COL25A1: variants seen among roughly 807,000 people sequenced by gnomAD.
COL25A1 encodes collagen alpha-1(XXV) chain.
Under a neutral mutation model 128.4 loss-of-function variants are expected in COL25A1, and 103 were observed. The observed-to-expected ratio is 0.80, with a 90% CI of 0.68 to 0.94. The LOEUF (loss-of-function observed/expected upper bound fraction) is 0.94, where lower values mean the gene tolerates loss of function less well. Among genes scored for constraint, COL25A1 ranks in the 40% least tolerant of loss-of-function variants. COL25A1 has a pLI of 0.00. For synonymous variants in COL25A1, 279 were observed against 277.2 expected (o/e 1.01, Z -0.06); for missense variants, 745 against 840.0 (o/e 0.89, Z 1.40).
intron 8 of COL25A1, among the ~76,000 whole-genome samples, chr4:108,966,524 G>C (rs539208134): frequency 2.0e-5 from 3 of 152,158 alleles, no homozygotes; most frequent in African/African-American, 7.2e-5. Flanking sequence ...TAATCTGCTT[G>C]AGTTCAATCC....
chr4:108,954,036 C>T (rs527852491), intron 8 of COL25A1, among the ~76,000 whole-genome samples: 1 of 152,242 alleles, frequency 6.6e-6, no homozygotes, highest in South Asian at 2.1e-4. Context: ...GATTGTTATA[C>T]ACTATCTCTA....
chr4:108,984,150 C>A (rs1191334331), intron 6 of COL25A1, among the ~76,000 whole-genome samples: 1 of 152,218 alleles, frequency 6.6e-6, no homozygotes, highest in Non-Finnish European at 1.5e-5. Flanking sequence ...ACCAGAGTAG[C>A]TAGATACAGA....
At chr4:109,039,914 A>G (rs1759720626) in intron 5 of COL25A1, among the ~76,000 whole-genome samples, 1 of 152,206 alleles carries the variant, frequency 6.6e-6, no homozygotes, top group Admixed American at 6.5e-5. Flanking sequence ...AAAATTAAGC[A>G]GAAGTAAGAA....
At chr4:109,233,429 A>G (rs1241375358) in intron 3 of COL25A1, among the ~76,000 whole-genome samples, 1 of 152,126 alleles carries the variant, frequency 6.6e-6, no homozygotes, top group Non-Finnish European at 1.5e-5. Context: ...CCTCACAAAC[A>G]TCAGGAAACA....
At chr4:109,121,959 A>G (rs1768144446) in intron 3 of COL25A1, among the ~76,000 whole-genome samples, 1 of 152,156 alleles carries the variant, frequency 6.6e-6, no homozygotes, top group Non-Finnish European at 1.5e-5. Context: ...GAGATGAGCT[A>G]TCAAGCCATG....
At chr4:109,288,296 A>G (rs911322529) in intron 3 of COL25A1, among the ~76,000 whole-genome samples, 2 of 152,162 alleles carry the variant, frequency 1.3e-5, no homozygotes, top group Non-Finnish European at 2.9e-5. Flanking sequence ...TATGAGCTCA[A>G]AATTTTAAAT....
At chr4:109,009,669 T>C (rs1430410107) in intron 6 of COL25A1, among the ~76,000 whole-genome samples, 2 of 152,228 alleles carry the variant, frequency 1.3e-5, no homozygotes, top group Non-Finnish European at 2.9e-5. Flanking sequence ...AAAACATTAA[T>C]AACTGCATTT....
intron 3 of COL25A1, among the ~76,000 whole-genome samples, chr4:109,200,981 A>G (rs1776515529): frequency 6.6e-6 from 1 of 152,136 alleles, no homozygotes; most frequent in African/African-American, 2.4e-5. Context: ...TCTCCTACCC[A>G]TATCACTAGA....
chr4:109,088,475 T>A (rs1034383613), intron 3 of COL25A1, among the ~76,000 whole-genome samples: 5 of 152,200 alleles, frequency 3.3e-5, no homozygotes, highest in African/African-American at 1.2e-4. Flanking sequence ...AATTTATGAG[T>A]AATACTGTAC....
At chr4:109,127,740 C>T (rs964973538) in intron 3 of COL25A1, among the ~76,000 whole-genome samples, 1 of 152,056 alleles carries the variant, frequency 6.6e-6, no homozygotes, top group Admixed American at 6.6e-5. Flanking sequence ...CTTAGTAGGC[C>T]GTAAACGTTA....
chr4:108,955,856 T>C (rs1273047685), intron 8 of COL25A1, among the ~76,000 whole-genome samples: 1 of 152,178 alleles, frequency 6.6e-6, no homozygotes, highest in Non-Finnish European at 1.5e-5. Flanking sequence ...GTTGTTTGAA[T>C]TAAACATTGC....
At chr4:108,970,924 C>T (rs1264775286) in intron 8 of COL25A1, among the ~76,000 whole-genome samples, 1 of 151,928 alleles carries the variant, frequency 6.6e-6, no homozygotes, top group Non-Finnish European at 1.5e-5. Flanking sequence ...TTGTGTATAC[C>T]ACATTTTTAA....
intron 19 of COL25A1, among the ~76,000 whole-genome samples, chr4:108,879,819 A>T (rs1272949410): frequency 2.0e-5 from 3 of 148,472 alleles, no homozygotes; most frequent in East Asian, 4.1e-4. Flanking sequence ...TTATTTATTT[A>T]TTTTTTTGAG....
intron 19 of COL25A1, among the ~76,000 whole-genome samples, chr4:108,881,103 T>C (rs918342014): frequency 1.8e-4 from 28 of 152,222 alleles, no homozygotes; most frequent in African/African-American, 6.5e-4. Flanking sequence ...GTCTTCCATA[T>C]GGTAAGAGGA....
chr4:109,256,406 A>G (rs10007142), intron 3 of COL25A1, among the ~76,000 whole-genome samples: 15,112 of 152,138 alleles, frequency 0.099, 1,038 homozygotes, highest in East Asian at 0.29. Context: ...GAAAGTGCAC[A>G]GGGTACCAAC....
At chr4:108,823,766 C>T (rs1901680) in intron 35 of COL25A1, 70,539 of 359,506 alleles carry the variant, frequency 0.2, 7,383 homozygotes, top group Non-Finnish European at 0.22. Flanking sequence ...ATCTCCATTT[C>T]TCTACTGGGA....
chr4:109,048,333 T>C (rs189563192), intron 4 of COL25A1, among the ~76,000 whole-genome samples, 158 bp from the exon 5 acceptor site: 6 of 152,284 alleles, frequency 3.9e-5, no homozygotes, highest in African/African-American at 1.4e-4. Flanking sequence ...TTTTAGACCA[T>C]GGAGCCTTTG....
intron 13 of COL25A1, among the ~76,000 whole-genome samples, chr4:108,907,575 G>A (rs991896585): frequency 2.0e-5 from 3 of 152,162 alleles, no homozygotes; most frequent in African/African-American, 7.2e-5. Flanking sequence ...AAATATTTTA[G>A]TGAAAGGAGC....
intron 6 of COL25A1, among the ~76,000 whole-genome samples, chr4:108,984,559 C>T (rs1013538287): frequency 1.5e-4 from 23 of 152,328 alleles, no homozygotes; most frequent in Admixed American, 5.2e-4. Flanking sequence ...AGCTAAGGCC[C>T]AGCGAGAAAT....
Sources: gnomAD v4.1 joint callset for allele counts (sites outside exome capture counted in the v4.1 genomes callset) on GRCh38, gnomAD v4.1.1 for gene constraint, MANE v1.5 for transcripts, NCBI Gene and HGNC (gene_info 2026-07-23, HGNC 2026-07-21) for gene names.